Variants in MYT1L observed in about 807,000 individuals in gnomAD.
MYT1L encodes the protein myelin transcription factor 1 like.
A neutral mutation model predicts 126.7 loss-of-function variants in MYT1L; 12 were observed. That is an observed-to-expected ratio of 0.09 (90% CI 0.06 to 0.15). The LOEUF is 0.15. Among genes scored for constraint, MYT1L ranks in the 10% least tolerant of loss-of-function variants. The pLI, the probability that MYT1L is intolerant of heterozygous loss-of-function variation, is 1.00. For missense variants in MYT1L, 979 were observed against 1,585.2 expected (o/e 0.62, Z 6.49); for synonymous variants, 541 against 604.2 (o/e 0.90, Z 1.53).
chr2:2,073,140 AC>A (rs1287317812), intron 3 of MYT1L, among the ~76,000 whole-genome samples: 1 of 152,078 alleles, frequency 6.6e-6, no homozygotes, highest in Non-Finnish European at 1.5e-5. Context: ...TAATACCATC[AC>A]CTTACAGGTT....
In MYT1L at chr2:1,852,380, G is replaced by A. The variant is rs935022091; in HGVS notation, c.2712-677C>T. 1.3e-5 allele frequency among the ~76,000 whole-genome samples: 2 copies of A among 152,160 alleles called. No individual in the cohort carries two copies. Among genetic ancestry groups the A allele is most frequent in the Non-Finnish European group, 2.9e-5 (2 of 68,044 alleles). ...ATCCACCAGGTCAGTCAGTGGAGAG[G>A]CTCTGAACAGTTCATGGGGACATAC... On this transcript the variant is annotated intron_variant, in intron 18 of 24. Coordinates refer to ENST00000647738, the MANE Select transcript of MYT1L (RefSeq NM_001303052.2). The surrounding 1 kb of genome is among the most constrained non-coding windows in gnomAD (Gnocchi z 4.0).
At chr2:2,213,070 A>C (rs138544191) in intron 2 of MYT1L, among the ~76,000 whole-genome samples, 1 of 152,280 alleles carries the variant, frequency 6.6e-6, no homozygotes, top group East Asian at 1.9e-4. Flanking sequence ...CGAAAATAGG[A>C]CTTCTGCATC....
chr2:1,967,909 T>C (rs1242210469), intron 8 of MYT1L, among the ~76,000 whole-genome samples: 1 of 152,142 alleles, frequency 6.6e-6, no homozygotes, highest in Non-Finnish European at 1.5e-5. Flanking sequence ...AGTCCTGCTG[T>C]CTGTGTGTCC....
At chr2:2,248,174 A>T (rs2149197278) in intron 2 of MYT1L, among the ~76,000 whole-genome samples, 1 of 152,202 alleles carries the variant, frequency 6.6e-6, no homozygotes, top group African/African-American at 2.4e-5. Flanking sequence ...ATAAATTTAA[A>T]AAAAAAGGAA....
At chr2:1,890,888 G>T (rs891639342) in intron 15 of MYT1L, among the ~76,000 whole-genome samples, 9 of 152,178 alleles carry the variant, frequency 5.9e-5, no homozygotes, top group African/African-American at 1.7e-4. Context: ...TTGTCAAAGT[G>T]TACTCTGATT....
chr2:2,150,918 A>AGGGG (rs2085677371), intron 3 of MYT1L, among the ~76,000 whole-genome samples: 1 of 128,200 alleles, frequency 7.8e-6, no homozygotes, highest in African/African-American at 3.0e-5. Context: ...AGGGAGACGG[A>AGGGG]GGGAGGGAGG....
chr2:1,866,795 G>A (rs1412181935), intron 18 of MYT1L, among the ~76,000 whole-genome samples: 1 of 80,566 alleles, frequency 1.2e-5, no homozygotes, highest in African/African-American at 4.6e-5. Context: ...GGGGGAGAGA[G>A]AGAGGCAGAG....
chr2:2,110,143 T>C (rs376991611), intron 3 of MYT1L, among the ~76,000 whole-genome samples: 1 of 151,590 alleles, frequency 6.6e-6, no homozygotes, highest in East Asian at 1.9e-4. Context: ...TGCCAGGAGA[T>C]ACCTGAGGTC....
intron 3 of MYT1L, among the ~76,000 whole-genome samples, chr2:2,074,698 T>A (rs1348405202): frequency 6.6e-6 from 1 of 152,062 alleles, no homozygotes; most frequent in African/African-American, 2.4e-5. Flanking sequence ...GATTAAACAG[T>A]CCAGTCTTCT....
intron 3 of MYT1L, among the ~76,000 whole-genome samples, chr2:2,133,085 G>A (rs185036380): frequency 2.0e-5 from 3 of 152,156 alleles, no homozygotes; most frequent in Admixed American, 1.3e-4. Context: ...CTTTGGGGGG[G>A]ACGAAGACAC....
chr2:2,176,788 C>G (rs979209558), intron 2 of MYT1L, among the ~76,000 whole-genome samples: 2 of 152,146 alleles, frequency 1.3e-5, no homozygotes, highest in African/African-American at 4.8e-5. Context: ...CATGAATCAC[C>G]ATGCCTGGCC....
chr2:2,130,503 C>T (rs1216993811), intron 3 of MYT1L, among the ~76,000 whole-genome samples: 2 of 151,972 alleles, frequency 1.3e-5, no homozygotes, highest in Non-Finnish European at 1.5e-5. Flanking sequence ...GCAGTGGTCT[C>T]GAGTGGAAAA....
Position 2,059,549 on chromosome 2 carries a change from C to T in MYT1L, c.-303-5426G>A, listed in dbSNP as rs1376658533. 6.6e-6 allele frequency among the ~76,000 whole-genome samples: 1 copy of T among 152,314 alleles called. No homozygotes were observed. Among genetic ancestry groups the T allele is most frequent in the East Asian group, 1.9e-4 (1 of 5,174 alleles). On this transcript the variant is annotated intron_variant, in intron 3 of 24. Coordinates refer to ENST00000647738, the MANE Select transcript of MYT1L (RefSeq NM_001303052.2). The surrounding 1 kb of genome is among the most constrained non-coding windows in gnomAD (Gnocchi z 4.7). ...GTGGACATGCATGCAGTGAGTTCTCCACACAGTCCCTGCCAAAGGCCTTGC... is the reference window on the plus strand; with the variant it reads ...GTGGACATGCATGCAGTGAGTTCTCTACACAGTCCCTGCCAAAGGCCTTGC...
chr2:2,021,137 C>T (rs2064994939), intron 4 of MYT1L, among the ~76,000 whole-genome samples: 2 of 152,170 alleles, frequency 1.3e-5, no homozygotes, highest in African/African-American at 4.8e-5. Flanking sequence ...GGGTGAAAGG[C>T]TTTTCTAAAG....
At chr2:1,875,134 C>T (rs1238685247) in intron 18 of MYT1L, among the ~76,000 whole-genome samples, 1 of 152,208 alleles carries the variant, frequency 6.6e-6, no homozygotes, top group African/African-American at 2.4e-5. Context: ...GGAAGCCTGG[C>T]GTCCTACCCC....
intron 3 of MYT1L, among the ~76,000 whole-genome samples, chr2:2,111,359 C>T (rs1019164111): frequency 2.6e-5 from 4 of 152,266 alleles, no homozygotes; most frequent in East Asian, 3.9e-4. Context: ...CTCCCCCCGA[C>T]GGCACTCACA....
intron 2 of MYT1L, among the ~76,000 whole-genome samples, chr2:2,176,935 C>A (rs2090869830): frequency 2.0e-5 from 3 of 152,204 alleles, no homozygotes; most frequent in Non-Finnish European, 4.4e-5. Flanking sequence ...CATGAATAAT[C>A]TATCCTCTAG....
At chr2:1,905,262 G>A (rs1173370647) in intron 13 of MYT1L, among the ~76,000 whole-genome samples, 3 of 152,030 alleles carry the variant, frequency 2.0e-5, no homozygotes, top group Non-Finnish European at 4.4e-5. Context: ...TATATAAAAT[G>A]TATTCCAAAT....
At chr2:1,958,174 C>A (rs377109951) in intron 8 of MYT1L, among the ~76,000 whole-genome samples, 1 of 152,108 alleles carries the variant, frequency 6.6e-6, no homozygotes, top group Non-Finnish European at 1.5e-5. Context: ...TTCATGTCTG[C>A]GCAGAAAACT....
Sources: allele counts gnomAD v4.1 joint callset (sites outside exome capture counted in the v4.1 genomes callset), GRCh38; gene constraint gnomAD v4.1.1; non-coding constraint Gnocchi (gnomAD v3.1); transcripts MANE v1.5; gene names NCBI Gene and HGNC (gene_info 2026-07-23, HGNC 2026-07-21).